ZNF516: variants seen among roughly 807,000 people sequenced by gnomAD.
ZNF516 encodes zinc finger protein 516.
Under a neutral mutation model 79.7 loss-of-function variants are expected in ZNF516, and 19 were observed. The ratio of observed to expected loss-of-function variants is 0.24; its 90% CI spans 0.17 to 0.35. ZNF516 has a LOEUF of 0.35. Among genes scored for constraint, ZNF516 ranks in the 10% least tolerant of loss-of-function variants. The probability of loss-of-function intolerance (pLI) is 1.00; values close to 1 mark genes in which losing one functional copy is unlikely to be tolerated. For missense variants in ZNF516, 1,678 were observed against 1,679.5 expected (o/e 1.00, Z 0.02); for synonymous variants, 877 against 739.5 (o/e 1.19, Z -3.02).
chr18:76,410,521 C>T (rs1457150404), intron 3 of ZNF516, among the ~76,000 whole-genome samples: 1 of 152,228 alleles, frequency 6.6e-6, no homozygotes, highest in African/African-American at 2.4e-5. Context: ...GTTCCCTACA[C>T]AGCCTGCATT....
chr18:76,415,190 G>C (rs2075417357), intron 3 of ZNF516, among the ~76,000 whole-genome samples: 1 of 152,024 alleles, frequency 6.6e-6, no homozygotes, highest in African/African-American at 2.4e-5. Context: ...AACAGAGCAA[G>C]ACTCCGTCTC....
intron 1 of ZNF516, among the ~76,000 whole-genome samples, chr18:76,489,586 C>CAAAAAAAAAAAAAAAAA (rs5826461): frequency 9.1e-6 from 1 of 109,396 alleles, no homozygotes; most frequent in African/African-American, 3.4e-5. Flanking sequence ...CAACATCTTA[C>CAAAAAAAAAAAAAAAAA]AAAAAAAAAA....
At chr18:76,397,341 T>A (rs576637795) in intron 3 of ZNF516, among the ~76,000 whole-genome samples, 7 of 151,998 alleles carry the variant, frequency 4.6e-5, no homozygotes, top group African/African-American at 1.7e-4. Context: ...ATGATTCTTA[T>A]CATGACACAT....
At chr18:76,402,102 T>C (rs2075238040) in intron 3 of ZNF516, among the ~76,000 whole-genome samples, 1 of 148,474 alleles carries the variant, frequency 6.7e-6, no homozygotes, top group Non-Finnish European at 1.5e-5. Context: ...GAAAAGAAAT[T>C]GTATATGCAC....
intron 3 of ZNF516, among the ~76,000 whole-genome samples, chr18:76,425,974 A>G (rs2075588518): frequency 6.6e-6 from 1 of 152,260 alleles, no homozygotes; most frequent in African/African-American, 2.4e-5. Context: ...TCAGACGTCA[A>G]ATTAACATAA....
intron 3 of ZNF516, among the ~76,000 whole-genome samples, chr18:76,412,217 G>A (rs2075379835): frequency 6.6e-6 from 1 of 152,200 alleles, no homozygotes; most frequent in African/African-American, 2.4e-5. Context: ...CCGGGACCAA[G>A]ACCAGCGAAG....
At chr18:76,456,858 T>C (rs575484047) in intron 2 of ZNF516, among the ~76,000 whole-genome samples, 1 of 152,342 alleles carries the variant, frequency 6.6e-6, no homozygotes, top group African/African-American at 2.4e-5. Flanking sequence ...TGCTTTCAAT[T>C]TCTTGTTTTA....
At chr18:76,411,662 A>G in intron 3 of ZNF516, among the ~76,000 whole-genome samples, 1 of 152,220 alleles carries the variant, frequency 6.6e-6, no homozygotes, top group East Asian at 1.9e-4. Context: ...CAAAGCATCA[A>G]ACTCAACAAG....
intron 1 of ZNF516, chr18:76,490,658 A>G (rs1915120835): frequency 1.1e-5 from 6 of 534,522 alleles, no homozygotes; most frequent in Non-Finnish European, 1.4e-5. Context: ...TGGTGAACGT[A>G]CATCACTCAG....
intron 2 of ZNF516, among the ~76,000 whole-genome samples, chr18:76,458,801 C>T (rs1344642158): frequency 5.4e-5 from 8 of 148,380 alleles, no homozygotes; most frequent in East Asian, 2.0e-4. Flanking sequence ...CGTGCGTGTG[C>T]GTGCCTCACC....
intron 3 of ZNF516, among the ~76,000 whole-genome samples, chr18:76,404,507 G>A (rs1235768470): frequency 6.6e-6 from 1 of 151,652 alleles, no homozygotes; most frequent in Non-Finnish European, 1.5e-5. Flanking sequence ...GCATGTGTGT[G>A]CATGTGACTG....
At chr18:76,427,721 T>C (rs749592214) in intron 3 of ZNF516, among the ~76,000 whole-genome samples, 22 of 152,138 alleles carry the variant, frequency 1.4e-4, no homozygotes, top group Non-Finnish European at 8.8e-5. Context: ...ATTCAAAACA[T>C]GAGAATCAAA....
chr18:76,401,726 C>T (rs866382569), intron 3 of ZNF516, among the ~76,000 whole-genome samples: 6 of 151,580 alleles, frequency 4.0e-5, no homozygotes, highest in African/African-American at 7.3e-5. Context: ...CCAACCACAC[C>T]CCCGCGCCGC....
In ZNF516 at chr18:76,442,110, G is replaced by T. The variant is rs1911705473; in HGVS notation, c.945C>A (p.Ile315=). 6.2e-7 allele frequency: 1 copy of T among 1,613,878 alleles called. No individual in the cohort carries two copies. Among genetic ancestry groups the T allele is most frequent in the Non-Finnish European group, 8.5e-7 (1 of 1,179,908 alleles). The part of the protein sequence containing the change: ...KNRPKSELDP[I]ATINNVVQEE... Reference sequence around the variant, plus strand: ...CCTGGACCACGTTGTTGATGGTGGCGATGGGGTCCAGCTCACTCTTGGGCC... The same window carrying T: ...CCTGGACCACGTTGTTGATGGTGGCTATGGGGTCCAGCTCACTCTTGGGCC... Residue 315 remains isoleucine (I), a synonymous_variant, in exon 3 of 7, where the codon ATC becomes ATA. Transcript: ENST00000443185.
intron 1 of ZNF516, among the ~76,000 whole-genome samples, chr18:76,482,917 A>T (rs376497463): frequency 6.6e-6 from 1 of 152,210 alleles, no homozygotes; most frequent in Non-Finnish European, 1.5e-5. Context: ...TATTGGTCCT[A>T]TTTTGAGAAA....
intron 3 of ZNF516, among the ~76,000 whole-genome samples, chr18:76,439,817 TAGAC>T (rs1409644160): frequency 6.6e-6 from 1 of 152,108 alleles, no homozygotes; most frequent in Non-Finnish European, 1.5e-5. Context: ...CTCCAAAAAG[TAGAC>T]AGAGTATTAC....
Position 76,371,478 on chromosome 18 carries a change from C to T in ZNF516, c.3353G>A (p.Arg1118Gln), listed in dbSNP as rs768073006. ...CGGGAGGGCGATACCTGAGTGTGCC[C>T]GCATGTGGGCCCTGAGGTGGCCGGG... is the stretch of plus-strand genomic sequence containing the variant. ...HQPGHLRAHM[R>Q]AHSVVFESDG... The change falls in exon 5 of 7, where the codon CGG (arginine) becomes CAG (glutamine). Residue 1118 changes from arginine (R) to glutamine (Q), a missense_variant. Physicochemically the swap from Arg to Gln is conservative, Grantham distance 43. Coordinates refer to ENST00000443185, the MANE Select transcript of ZNF516 (RefSeq NM_014643.4). 2 of 1,607,564 alleles carry T rather than the reference C, an allele frequency of 1.2e-6. No homozygotes were observed. Among genetic ancestry groups the T allele is most frequent in the East Asian group, 4.5e-5 (2 of 44,850 alleles).
intron 2 of ZNF516, among the ~76,000 whole-genome samples, chr18:76,444,606 T>A (rs1394550774): frequency 6.6e-6 from 1 of 152,222 alleles, no homozygotes; most frequent in Non-Finnish European, 1.5e-5. Context: ...GCTCCCTGTT[T>A]GCTCCGAGTT....
At chr18:76,377,546 G>C (rs1483034446) in intron 4 of ZNF516, among the ~76,000 whole-genome samples, 2 of 152,214 alleles carry the variant, frequency 1.3e-5, no homozygotes, top group Non-Finnish European at 2.9e-5. Context: ...GGTGACCCCA[G>C]CACCCACTGG....
Sources: allele counts gnomAD v4.1 joint callset (sites outside exome capture counted in the v4.1 genomes callset), GRCh38; gene constraint gnomAD v4.1.1; transcripts MANE v1.5; gene names NCBI Gene and HGNC (gene_info 2026-07-23, HGNC 2026-07-21).